The following PBX4 variants were observed in gnomAD, a reference collection of about 807,000 sequenced individuals.
The protein encoded by PBX4 is pre-B-cell leukemia transcription factor 4.
Under a neutral mutation model 35.1 loss-of-function variants are expected in PBX4, and 26 were observed. The ratio of observed to expected loss-of-function variants is 0.74; its 90% CI spans 0.54 to 1.03. The LOEUF (loss-of-function observed/expected upper bound fraction) is 1.03, where lower values mean the gene tolerates loss of function less well. Among genes scored for constraint, PBX4 ranks in the 50% least tolerant of loss-of-function variants. PBX4 has a pLI of 0.00. For missense variants in PBX4, 448 were observed against 504.3 expected (o/e 0.89, Z 1.07); for synonymous variants, 199 against 204.2 (o/e 0.97, Z 0.22).
At chr19:19,589,203 C>T (rs1271280575) in intron 2 of PBX4, among the ~76,000 whole-genome samples, 2 of 151,914 alleles carry the variant, frequency 1.3e-5, no homozygotes, top group Admixed American at 1.3e-4. Context: ...TCGAGGCCGG[C>T]GGATCACGAG....
intron 2 of PBX4, among the ~76,000 whole-genome samples, chr19:19,580,449 A>G (rs2061447096): frequency 6.6e-6 from 1 of 152,150 alleles, no homozygotes; most frequent in Admixed American, 6.6e-5. Flanking sequence ...GAACGGGGCC[A>G]CTGGCCACAG....
intron 1 of PBX4, among the ~76,000 whole-genome samples, chr19:19,609,852 A>G (rs1207606708): frequency 6.6e-6 from 1 of 152,128 alleles, no homozygotes; most frequent in Non-Finnish European, 1.5e-5. Context: ...CTCCGTCTCA[A>G]AAAAACTAAA....
intron 5 of PBX4, among the ~76,000 whole-genome samples, chr19:19,565,984 A>T (rs1055776453): frequency 1.3e-4 from 20 of 151,958 alleles, no homozygotes; most frequent in African/African-American, 4.8e-4. Context: ...GCTGGTCTCA[A>T]ACCCCTGGGC....
At chr19:19,573,965 A>G (rs193226878) in intron 2 of PBX4, among the ~76,000 whole-genome samples, 18 of 152,292 alleles carry the variant, frequency 1.2e-4, no homozygotes, top group East Asian at 7.7e-4. Flanking sequence ...CCTGACCTCA[A>G]GTGATCCACC....
intron 3 of PBX4, 116 bp downstream of exon 3, chr19:19,570,470 A>G (rs2061375127): frequency 1.3e-6 from 2 of 1,503,782 alleles, no homozygotes; most frequent in Non-Finnish European, 9.0e-7. Context: ...CTCTGCAGCG[A>G]CCAACTGCAT....
At chr19:19,614,423 C>T (rs537901901) in intron 1 of PBX4, among the ~76,000 whole-genome samples, 2 of 152,016 alleles carry the variant, frequency 1.3e-5, no homozygotes, top group South Asian at 2.1e-4. Flanking sequence ...CATCTGAGGT[C>T]GGGAGTTTGA....
At chr19:19,585,185 C>T (rs778671939) in intron 2 of PBX4, among the ~76,000 whole-genome samples, 1 of 151,858 alleles carries the variant, frequency 6.6e-6, no homozygotes, top group African/African-American at 2.4e-5. Context: ...ATTAGCTGGG[C>T]GTGGTAGTGC....
At chr19:19,616,828 T>C (rs192316848) in intron 1 of PBX4, among the ~76,000 whole-genome samples, 228 of 151,932 alleles carry the variant, frequency 1.5e-3, no homozygotes, top group African/African-American at 3.7e-3. Context: ...GGATTATAGG[T>C]GTGCACCACT....
At chr19:19,592,770 C>G (rs775908676) in intron 2 of PBX4, among the ~76,000 whole-genome samples, 2 of 152,184 alleles carry the variant, frequency 1.3e-5, no homozygotes, top group African/African-American at 4.8e-5. Flanking sequence ...GAGAACATAG[C>G]GCATCCTAGA....
chr19:19,588,757 T>A (rs2061507216), intron 2 of PBX4, among the ~76,000 whole-genome samples: 1 of 152,088 alleles, frequency 6.6e-6, no homozygotes, highest in South Asian at 2.1e-4. Flanking sequence ...GACCAACCAA[T>A]TCCCAGCCTG....
At chr19:19,570,388 A>G in intron 3 of PBX4, 89 bp from the exon 4 acceptor site, 1 of 1,473,452 alleles carries the variant, frequency 6.8e-7, no homozygotes, top group Non-Finnish European at 9.1e-7. Context: ...GCCGCCTGCC[A>G]CCCCCTGTAG....
intron 2 of PBX4, among the ~76,000 whole-genome samples, chr19:19,578,884 G>C (rs561595691): frequency 6.6e-6 from 1 of 152,222 alleles, no homozygotes; most frequent in Admixed American, 6.5e-5. Context: ...ATGTCCTGAT[G>C]GGCAGAGACC....
chr19:19,563,610 A>G lies in PBX4; in HGVS notation c.931T>C (p.Ser311Pro). 1 of 1,549,294 alleles carries G rather than the reference A, an allele frequency of 6.5e-7. No homozygotes were observed. Among genetic ancestry groups the G allele is most frequent in the African/African-American group, 1.4e-5 (1 of 73,118 alleles). Residue 311 changes from serine to proline, a missense_variant, in exon 7 of 8, where the codon TCT (serine) becomes CCT (proline). Coordinates refer to ENST00000251203, the MANE Select transcript of PBX4 (RefSeq NM_025245.3). This position sits in a 1 kb window ranked among gnomAD's most constrained non-coding sequence, Gnocchi z 5.1. ...GCGCTGGGCAGCGGGAAGGGTCCAG[A>G]GGAGCCTGGAAGAGATGGGAGCCGG... is the stretch of plus-strand genomic sequence containing the variant. ...SCLSTPSSGS[S>P]GPFPLPSAGD...
chr19:19,594,729 C>CTTTTT (rs958881028), intron 2 of PBX4, among the ~76,000 whole-genome samples: 2 of 146,990 alleles, frequency 1.4e-5, no homozygotes, highest in Non-Finnish European at 3.0e-5. Context: ...GATTAAAGTA[C>CTTTTT]TTTTTTTTTT....
rs146129824 is a variant in PBX4, at chr19:19,604,941, G to A, written c.120-5576C>T. ...TAAGGTATACAGTCATTGATCACAC[G>A]AGATATTCAGCTTAAAATATTAAAC... On this transcript the variant is annotated intron_variant, in intron 1 of 7. Coordinates refer to ENST00000251203, the MANE Select transcript of PBX4 (RefSeq NM_025245.3). Among the ~76,000 whole-genome samples, 615 of 151,860 alleles carry A rather than the reference G, an allele frequency of 4.0e-3. 9 individuals carry two copies. Among genetic ancestry groups the A allele is most frequent in the African/African-American group, 0.014 (577 of 41,420 alleles).
intron 5 of PBX4, among the ~76,000 whole-genome samples, chr19:19,565,655 C>T (rs749828155): frequency 3.9e-4 from 59 of 152,128 alleles, no homozygotes; most frequent in Non-Finnish European, 6.6e-4. Context: ...TGGTGGCTCA[C>T]GCCTGTAATC....
chr19:19,583,892 A>C (rs1464112716), intron 2 of PBX4, among the ~76,000 whole-genome samples: 1 of 152,112 alleles, frequency 6.6e-6, no homozygotes, highest in East Asian at 1.9e-4. Flanking sequence ...CAACATGGAG[A>C]AATCCCATCT....
At chr19:19,607,305 C>A (rs1178143350) in intron 1 of PBX4, among the ~76,000 whole-genome samples, 1 of 152,080 alleles carries the variant, frequency 6.6e-6, no homozygotes, top group Non-Finnish European at 1.5e-5. Flanking sequence ...CCACCCACCT[C>A]GGCCTCCCAA....
intron 2 of PBX4, among the ~76,000 whole-genome samples, chr19:19,573,322 A>AAG (rs1225612104): frequency 9.5e-6 from 1 of 105,222 alleles, no homozygotes; most frequent in African/African-American, 3.9e-5. Context: ...AAAGAAAAAA[A>AAG]AAAAATATAC....
Sources: allele counts gnomAD v4.1 joint callset (sites outside exome capture counted in the v4.1 genomes callset), GRCh38; gene constraint gnomAD v4.1.1; non-coding constraint Gnocchi (gnomAD v3.1); transcripts MANE v1.5; gene names NCBI Gene and HGNC (gene_info 2026-07-23, HGNC 2026-07-21).